SCML2: variants seen among roughly 807,000 people sequenced by gnomAD.
The protein encoded by SCML2 is Scm polycomb group protein like 2.
A neutral mutation model predicts 48.4 loss-of-function variants in SCML2; 6 were observed. The observed-to-expected ratio is 0.12, with a 90% CI of 0.07 to 0.24. The LOEUF is 0.24. Ranked by LOEUF, SCML2 falls within the 10% of genes least tolerant of loss-of-function variation. SCML2 has a pLI of 1.00. For synonymous variants in SCML2, 181 were observed against 189.5 expected, an observed-to-expected ratio of 0.95 and a Z score of 0.37; for missense variants, 377 against 528.2, an observed-to-expected ratio of 0.71 and a Z score of 2.81.
At position 18,330,617 on chromosome X, in the gene SCML2, G is replaced by C; in HGVS notation, c.61C>G (p.Pro21Ala). The change falls in exon 3 of 15, where the codon CCT becomes GCT. Residue 21 changes from proline (P) to alanine (A), a missense_variant. Pro to Ala is a conservative substitution (Grantham distance 27, BLOSUM62 -1). Transcript: ENST00000251900. ...TGTACAGAAGATGTACTTGACTGAG[G>C]AGTTTTCTCTTGATTCTCCTTCTTG... The part of the protein sequence containing the change: ...DVKKENQEKT[P>A]QSSTSSVQRD... 8.5e-7 allele frequency: 1 copy of C among 1,176,481 alleles called. No individual in the cohort carries two copies. The highest frequency in any genetic ancestry group is 1.1e-6 in the Non-Finnish European group (1 of 873,088).
chrX:18,326,498 G>A (rs1929484199), intron 3 of SCML2, among the ~76,000 whole-genome samples: 2 of 110,201 alleles, frequency 1.8e-5, no homozygotes. Flanking sequence ...GGCCAACATG[G>A]TGAAACACCA....
At chrX:18,317,833 C>CAA (rs35128193) in intron 6 of SCML2, among the ~76,000 whole-genome samples, 966 of 38,295 alleles carry the variant, frequency 0.025, 24 homozygotes, top group African/African-American at 0.05. Context: ...GACTCCGTCT[C>CAA]AAAAAAAAAA....
intron 5 of SCML2, among the ~76,000 whole-genome samples, chrX:18,323,436 T>C (rs181719104): frequency 3.4e-4 from 38 of 112,003 alleles, no homozygotes; most frequent in African/African-American, 1.1e-3. Flanking sequence ...GGAACCTGAA[T>C]GTGGAATCAT....
intron 7 of SCML2, among the ~76,000 whole-genome samples, chrX:18,285,739 T>A (rs757342730): frequency 9.9e-5 from 11 of 111,419 alleles, no homozygotes; most frequent in Non-Finnish European, 1.9e-4. Flanking sequence ...AAAAATTGAG[T>A]TTTTTCAATT....
At position 18,273,476 on chromosome X, in the gene SCML2, A is replaced by T. The variant is rs775762620; in HGVS notation, c.731-7674T>A. Reference sequence around the variant, plus strand: ...TTATCCTAAATTCTCTATCTTGATGAACGACATTACCTATCTGAAGTCAGA... The same window carrying T: ...TTATCCTAAATTCTCTATCTTGATGTACGACATTACCTATCTGAAGTCAGA... On this transcript the variant is annotated intron_variant, in intron 7 of 14. Transcript: ENST00000251900. Among the ~76,000 whole-genome samples the T allele has an allele frequency of 1.3e-3, 143 of 111,701 alleles. 1 individual carries two copies. Among genetic ancestry groups the T allele is most frequent in the African/African-American group, 4.5e-3 (140 of 30,777 alleles).
At chrX:18,343,632 C>A (rs772920746) in intron 1 of SCML2, among the ~76,000 whole-genome samples, 1 of 108,319 alleles carries the variant, frequency 9.2e-6, no homozygotes, top group African/African-American at 3.4e-5. Context: ...TGGTGGCGGG[C>A]GCCTGTAATC....
intron 1 of SCML2, among the ~76,000 whole-genome samples, chrX:18,353,078 A>G (rs1304728387): frequency 9.1e-6 from 1 of 109,542 alleles, no homozygotes; most frequent in East Asian, 2.8e-4. Flanking sequence ...TCTTTTCTCA[A>G]AAATCCCACT....
At chrX:18,259,792 T>C (rs1216759874) in intron 9 of SCML2, among the ~76,000 whole-genome samples, 7 of 111,911 alleles carry the variant, frequency 6.3e-5, no homozygotes, top group African/African-American at 2.3e-4. Flanking sequence ...GTAAGGGAGA[T>C]AATTTTTAAA....
At chrX:18,255,467 C>T (rs1926807922) in intron 11 of SCML2, among the ~76,000 whole-genome samples, 1 of 112,251 alleles carries the variant, frequency 8.9e-6, no homozygotes, top group African/African-American at 3.2e-5. Context: ...GCCACTGCTT[C>T]TCCATGTATA....
intron 7 of SCML2, among the ~76,000 whole-genome samples, chrX:18,274,857 A>C (rs1222766187): frequency 5.4e-5 from 6 of 111,717 alleles, no homozygotes; most frequent in Non-Finnish European, 1.1e-4. Flanking sequence ...CATTAATATC[A>C]ACACAGACCT....
chrX:18,258,291 A>T (rs913106725), intron 9 of SCML2, 44 bp from the exon 10 acceptor site: 11 of 1,056,775 alleles, frequency 1.0e-5, no homozygotes, highest in Non-Finnish European at 1.3e-5. Flanking sequence ...GAGACTGATT[A>T]AAAGAAATTT....
intron 1 of SCML2, among the ~76,000 whole-genome samples, chrX:18,336,021 T>C (rs1929799834): frequency 8.9e-6 from 1 of 112,393 alleles, no homozygotes. Flanking sequence ...GACATTGGCA[T>C]AGGATATACA....
chrX:18,342,682 A>G (rs1930055227), intron 1 of SCML2, among the ~76,000 whole-genome samples: 2 of 108,220 alleles, frequency 1.8e-5, no homozygotes, highest in Admixed American at 2.0e-4. Flanking sequence ...ACTGAACTCC[A>G]GCCTGGGCAA....
At chrX:18,345,672 G>A (rs980678185) in intron 1 of SCML2, among the ~76,000 whole-genome samples, 2 of 108,626 alleles carry the variant, frequency 1.8e-5, no homozygotes. Context: ...AATTAGAGGT[G>A]TAAGCCACCA....
chrX:18,264,047 G>A (rs1927169356), intron 8 of SCML2, among the ~76,000 whole-genome samples: 1 of 60,448 alleles, frequency 1.7e-5, no homozygotes, highest in South Asian at 6.7e-4. Context: ...TTTGCTCTTG[G>A]CTGAGTATTG....
intron 11 of SCML2, among the ~76,000 whole-genome samples, 194 bp from the exon 12 acceptor site, chrX:18,248,076 A>G (rs189673121): frequency 8.9e-6 from 1 of 112,032 alleles, no homozygotes; most frequent in African/African-American, 3.2e-5. Flanking sequence ...CTGAAATAAT[A>G]TTCAAGAGTT....
At chrX:18,255,917 A>G (rs925495307) in intron 11 of SCML2, among the ~76,000 whole-genome samples, 1 of 111,991 alleles carries the variant, frequency 8.9e-6, no homozygotes, top group Non-Finnish European at 1.9e-5. Context: ...ACCCACATAC[A>G]ATCCTGCCAT....
intron 2 of SCML2, 124 bp from the exon 3 acceptor site, chrX:18,330,779 T>C (rs1434958595): frequency 7.6e-6 from 3 of 395,111 alleles, no homozygotes; most frequent in African/African-American, 5.1e-5. Context: ...TCATTTTCTA[T>C]GTAGGACTTA....
intron 11 of SCML2, among the ~76,000 whole-genome samples, chrX:18,256,566 A>C (rs1926851142): frequency 8.9e-6 from 1 of 112,221 alleles, no homozygotes. Context: ...TATAAAAGTC[A>C]GTAACTTTAA....
Sources: gnomAD v4.1 joint callset for allele counts (sites outside exome capture counted in the v4.1 genomes callset) on GRCh38, gnomAD v4.1.1 for gene constraint, MANE v1.5 for transcripts, NCBI Gene and HGNC (gene_info 2026-07-23, HGNC 2026-07-21) for gene names.